The following ANXA2 variants were observed in gnomAD, a reference collection of about 807,000 sequenced individuals.
ANXA2 encodes annexin A2, also known as annexin II.
In ANXA2, 28 loss-of-function variants were observed where a neutral mutation model predicts 47.3. The ratio of observed to expected loss-of-function variants is 0.59; its 90% CI spans 0.44 to 0.81. The LOEUF (loss-of-function observed/expected upper bound fraction) is 0.81, where lower values mean the gene tolerates loss of function less well. Ranked by LOEUF, ANXA2 falls within the 40% of genes least tolerant of loss-of-function variation. ANXA2 has a pLI of 0.00. For missense variants in ANXA2, 384 were observed against 414.3 expected (o/e 0.93, Z 0.64); for synonymous variants, 172 against 155.5 (o/e 1.11, Z -0.79).
At chr15:60,396,234 A>T (rs1240519824) in intron 1 of ANXA2, 1 of 152,098 alleles carries the variant, frequency 6.6e-6, no homozygotes, top group East Asian at 1.9e-4. Flanking sequence ...TTGTTTTTTA[A>T]ATAACAAGAC....
chr15:60,382,572 AGGTATTAACACACCATCAC>A (rs1231696746), intron 2 of ANXA2, 131 bp from the exon 3 acceptor site: 2 of 620,558 alleles, frequency 3.2e-6, no homozygotes, highest in Middle Eastern at 2.7e-4. Context: ...GTAACTAGGT[AGGTATTAACACACCATCAC>A]ACTTCACGCA....
rs1038433593 is a variant in ANXA2 at position 60,352,970 on chromosome 15, C to T, written c.589-494G>A. On this transcript the variant is annotated intron_variant, in intron 8 of 12. Coordinates refer to ENST00000451270, the MANE Select transcript of ANXA2 (RefSeq NM_004039.3). The surrounding 1 kb of genome is among the most constrained non-coding windows in gnomAD (Gnocchi z 4.2). Reference sequence around the variant, plus strand: ...CAGTTTCTGGAAAATTTAGGGGCTACAAGTAGCCCTAACAATGGCAGGGAG... The same window carrying T: ...CAGTTTCTGGAAAATTTAGGGGCTATAAGTAGCCCTAACAATGGCAGGGAG... 4.6e-5 allele frequency among the ~76,000 whole-genome samples: 7 copies of T among 152,192 alleles called. No homozygotes were observed. The highest frequency in any genetic ancestry group is 1.3e-4 in the Admixed American group (2 of 15,286).
intron 4 of ANXA2, among the ~76,000 whole-genome samples, chr15:60,361,906 C>CTTTT (rs552103518): frequency 8.2e-5 from 12 of 146,216 alleles, no homozygotes; most frequent in African/African-American, 3.0e-4. Context: ...CTTCTTTTCG[C>CTTTT]TTTTTTTTTT....
chr15:60,363,107 C>T (rs1374085552), intron 4 of ANXA2: 1 of 147,496 alleles, frequency 6.8e-6, no homozygotes, highest in Non-Finnish European at 1.5e-5. Context: ...TATTCCAAGA[C>T]CATACTCTGT....
chr15:60,372,373 G>A (rs1438647149), intron 3 of ANXA2, among the ~76,000 whole-genome samples: 8 of 152,096 alleles, frequency 5.3e-5, no homozygotes, highest in African/African-American at 1.9e-4. Context: ...ATTCAAACCG[G>A]GACTAAAGAC....
At chr15:60,374,335 A>G (rs1038997639) in intron 3 of ANXA2, 1 of 387,892 alleles carries the variant, frequency 2.6e-6, no homozygotes, top group Non-Finnish European at 5.0e-6. Context: ...CAGTGAAGGA[A>G]CATGCATAAA....
At chr15:60,374,810 T>C (rs2062755880) in intron 3 of ANXA2, 1 of 416,496 alleles carries the variant, frequency 2.4e-6, no homozygotes, top group Non-Finnish European at 4.7e-6. Context: ...CAGTCTAAAG[T>C]AAACTTGAAC....
chr15:60,382,385 A>T lies in ANXA2; in HGVS notation c.105T>A (p.Ala35=), dbSNP rs779260058. The change falls in exon 3 of 13, where the codon GCT becomes GCA. Residue 35 remains alanine (A), a synonymous_variant. Transcript: ENST00000451270. ...TTTCAATGTTCAAAGCATCCCGCTC[A>T]GCATCAAAGTTAGTATAGGCTTTGA... ...GSVKAYTNFD[A]ERDALNIETA... 1.2e-6 allele frequency: 2 copies of T among 1,614,100 alleles called. No individual in the cohort carries two copies. The highest frequency in any genetic ancestry group is 3.3e-5 in the Admixed American group (2 of 60,032).
intron 12 of ANXA2, among the ~76,000 whole-genome samples, chr15:60,348,697 A>G (rs1895842013): frequency 6.7e-6 from 1 of 148,624 alleles, no homozygotes; most frequent in Admixed American, 6.9e-5. Context: ...GTGAGCCGAG[A>G]TTGTGGCCAC....
intron 3 of ANXA2, among the ~76,000 whole-genome samples, chr15:60,372,477 G>A (rs560013246): frequency 3.3e-5 from 5 of 152,046 alleles, no homozygotes; most frequent in Non-Finnish European, 7.4e-5. Context: ...TATCCTCCAG[G>A]TATGTGCTGG....
rs371196182 is a variant in ANXA2, at chr15:60,352,411, G to A, written c.654C>T (p.Thr218=). Residue 218 remains threonine (T), a synonymous_variant, in exon 9 of 13, where the codon ACC becomes ACT. Transcript: ENST00000451270. The surrounding 1 kb of genome is among the most constrained non-coding windows in gnomAD (Gnocchi z 4.2). ...TCTGGAGGTGGGGCACGCTCCGCTC[G>A]GTCATGATGCTGATCCACTTGGGAA... The part of the protein sequence containing the change: ...TDVPKWISIM[T]ERSVPHLQKV... 1.5e-5 allele frequency: 24 copies of A among 1,613,508 alleles called. No homozygotes were observed. The highest frequency in any genetic ancestry group is 4.4e-5 in the South Asian group (4 of 91,032).
intron 11 of ANXA2, among the ~76,000 whole-genome samples, chr15:60,350,485 C>T (rs960513055): frequency 1.3e-5 from 2 of 152,114 alleles, no homozygotes; most frequent in Non-Finnish European, 2.9e-5. Flanking sequence ...AGCATCAGAG[C>T]GAAGGCACCA....
At chr15:60,373,183 G>A (rs553347545) in intron 3 of ANXA2, among the ~76,000 whole-genome samples, 3 of 152,330 alleles carry the variant, frequency 2.0e-5, no homozygotes, top group Admixed American at 1.3e-4. Context: ...AACACGTGTA[G>A]AGAACTGGGC....
intron 1 of ANXA2, among the ~76,000 whole-genome samples, chr15:60,391,621 C>T (rs561575269): frequency 1.3e-5 from 2 of 152,318 alleles, no homozygotes; most frequent in South Asian, 4.1e-4. Context: ...AACATTTGCT[C>T]TGGAGGCAGA....
chr15:60,397,177 TCTA>T (rs2063091334), intron 1 of ANXA2: 1 of 795,080 alleles, frequency 1.3e-6, no homozygotes, highest in African/African-American at 1.9e-5. Context: ...CGCCCTTCTC[TCTA>T]CTCTCAGTTC....
At position 60,397,963 on chromosome 15, in the gene ANXA2, T is replaced by C; in HGVS notation, c.-32A>G. The C allele has an allele frequency of 7.9e-7, 1 of 1,267,480 alleles. No individual in the cohort carries two copies. The highest frequency in any genetic ancestry group is 1.0e-6 in the Non-Finnish European group (1 of 1,003,436). 78.5% of individuals were successfully genotyped at this position (1,267,480 alleles called of 1,614,324 possible). On this transcript the variant is annotated 5_prime_UTR_variant, in exon 1 of 13. Coordinates refer to ENST00000451270, the MANE Select transcript of ANXA2 (RefSeq NM_004039.3). ...CTTACCTGGGCCGTGCGCCGAGAGC[T>C]GAGAGCGTCCCCAAATGCTGAGCAG...
Position 60,347,377 on chromosome 15 carries a change from A to T in ANXA2, c.*253T>A. ...TTTATTCATCTGTTTATGACACAGT[A>T]CACAGGAGGCAAAGTGTTTCACATC... On this transcript the variant is annotated 3_prime_UTR_variant, in exon 13 of 13. Coordinates refer to ENST00000451270, the MANE Select transcript of ANXA2 (RefSeq NM_004039.3). 1.8e-6 allele frequency: 1 copy of T among 569,896 alleles called. No homozygotes were observed. The highest frequency in any genetic ancestry group is 3.1e-6 in the Non-Finnish European group (1 of 318,006). The allele number at this position is 569,896 out of a possible 1,614,324, so 35.3% of individuals were successfully genotyped here.
At position 60,364,519 on chromosome 15, in the gene ANXA2, C is replaced by G. The variant is rs2062565129; in HGVS notation, c.153G>C (p.Val51=). Residue 51 remains valine, a synonymous_variant, in exon 4 of 13, where the codon GTG becomes GTC. Coordinates refer to ENST00000451270, the MANE Select transcript of ANXA2 (RefSeq NM_004039.3). ...AAATGTTGACAATGGTGACCTCATC[C>G]ACACCTATGGAAATACAAGTTGTTA... is the stretch of plus-strand genomic sequence containing the variant. ...NIETAIKTKG[V]DEVTIVNILT... 1.9e-6 allele frequency: 3 copies of G among 1,611,240 alleles called. No individual in the cohort carries two copies. Among genetic ancestry groups the G allele is most frequent in the Non-Finnish European group, 2.5e-6 (3 of 1,179,036 alleles).
At chr15:60,350,397 C>A (rs1338941435) in intron 11 of ANXA2, among the ~76,000 whole-genome samples, 2 of 152,120 alleles carry the variant, frequency 1.3e-5, no homozygotes, top group Admixed American at 6.5e-5. Flanking sequence ...TTAGAGGGAA[C>A]ATGCCAACAC....
Sources: allele counts gnomAD v4.1 joint callset (sites outside exome capture counted in the v4.1 genomes callset), GRCh38; gene constraint gnomAD v4.1.1; non-coding constraint Gnocchi (gnomAD v3.1); transcripts MANE v1.5; gene names NCBI Gene and HGNC (gene_info 2026-07-23, HGNC 2026-07-21).